Variants in FRK observed in about 807,000 individuals in gnomAD.
FRK encodes the protein fyn related Src family tyrosine kinase, also known as tyrosine-protein kinase FRK.
Under a neutral mutation model 56.4 loss-of-function variants are expected in FRK, and 51 were observed. The ratio of observed to expected loss-of-function variants is 0.90; its 90% CI spans 0.72 to 1.14. The LOEUF (loss-of-function observed/expected upper bound fraction) is 1.14, where lower values mean the gene tolerates loss of function less well. Among genes scored for constraint, FRK ranks in the 50% most tolerant of loss-of-function variants. The pLI, the probability that FRK is intolerant of heterozygous loss-of-function variation, is 0.00. For missense variants in FRK, 570 were observed against 601.4 expected, an observed-to-expected ratio of 0.95 and a Z score of 0.55; for synonymous variants, 245 against 217.9, an observed-to-expected ratio of 1.12 and a Z score of -1.10.
chr6:116,030,535 A>G (rs1776266774), intron 1 of FRK, among the ~76,000 whole-genome samples: 1 of 152,112 alleles, frequency 6.6e-6, no homozygotes, highest in Admixed American at 6.6e-5. Flanking sequence ...GCTGGTCACC[A>G]GAAAGAACAA....
In FRK at chr6:115,934,463, G is replaced by A. The variant is rs536484809; in HGVS notation, c.*7951C>T. ...TGCCAGATGAGGAGAAGAGAACGCG[G>A]AACCCCAGTTTTGCCATTGATAGCC... On this transcript the variant is annotated 3_prime_UTR_variant, in exon 8 of 8. Coordinates refer to ENST00000606080, the MANE Select transcript of FRK (RefSeq NM_002031.3). The A allele has an allele frequency of 6.6e-6, 1 of 152,284 alleles. No individual in the cohort carries two copies. Among genetic ancestry groups the A allele is most frequent in the East Asian group, 1.9e-4 (1 of 5,190 alleles). The allele number at this position is 152,284 out of a possible 1,614,324, so 9.4% of individuals were successfully genotyped here.
chr6:115,942,284 G>T lies in FRK; in HGVS notation c.*130C>A. On this transcript the variant is annotated 3_prime_UTR_variant, in exon 8 of 8. Transcript: ENST00000606080. ...CAAATAATCTTTTTCATAATACATGGCCAACTTTATCCTATCACTTGAATA... is the reference window on the plus strand; with the variant it reads ...CAAATAATCTTTTTCATAATACATGTCCAACTTTATCCTATCACTTGAATA... The T allele has an allele frequency of 1.3e-6, 1 of 743,134 alleles. No homozygotes were observed. The highest frequency in any genetic ancestry group is 2.2e-6 in the Non-Finnish European group (1 of 452,710). The allele number at this position is 743,134 out of a possible 1,614,324, so 46.0% of individuals were successfully genotyped here. A position where few individuals can be genotyped will look rare whatever the true frequency, so the allele number is the denominator to read the frequency against.
At chr6:116,003,146 G>A (rs1010464704) in intron 2 of FRK, among the ~76,000 whole-genome samples, 1 of 152,140 alleles carries the variant, frequency 6.6e-6, no homozygotes, top group African/African-American at 2.4e-5. Flanking sequence ...ATTTAAAGGG[G>A]ATGATAACAC....
rs1427481395 is a variant in FRK, at chr6:115,939,765, C to A, written c.*2649G>T. 6.6e-6 allele frequency: 1 copy of A among 152,194 alleles called. No individual in the cohort carries two copies. Among genetic ancestry groups the A allele is most frequent in the Non-Finnish European group, 1.5e-5 (1 of 68,052 alleles). 9.4% of individuals were successfully genotyped at this position (152,194 alleles called of 1,614,324 possible). On this transcript the variant is annotated 3_prime_UTR_variant, in exon 8 of 8. Coordinates refer to ENST00000606080, the MANE Select transcript of FRK (RefSeq NM_002031.3). ...GAGAATGAAATATCTAGGATTACAA[C>A]TTACAAGGGATGCAAAGGACCTCTT...
chr6:116,030,906 C>T (rs1335402696), intron 1 of FRK, among the ~76,000 whole-genome samples: 1 of 152,128 alleles, frequency 6.6e-6, no homozygotes, highest in East Asian at 1.9e-4. Flanking sequence ...GTAGAGGACA[C>T]TCCTGTGGGA....
the FRK span, among the ~76,000 whole-genome samples, chr6:116,087,970 C>T: frequency 5.9e-5 from 9 of 152,328 alleles, no homozygotes; most frequent in East Asian, 1.3e-3. Flanking sequence ...AGTACAAGCA[C>T]GGCCTGAAAG....
Position 116,015,876 on chromosome 6 carries a change from C to T in FRK, c.345-11878G>A, listed in dbSNP as rs142740748. Among the ~76,000 whole-genome samples the T allele has an allele frequency of 3.4e-3, 513 of 152,236 alleles. 2 individuals are homozygous for T. Among genetic ancestry groups the T allele is most frequent in the African/African-American group, 0.012 (486 of 41,542 alleles). ...CATCCAAGATGTGACCTGGCTGATTCTGAAAGCAGTCAGTCATATGCATTC... is the reference window on the plus strand; with the variant it reads ...CATCCAAGATGTGACCTGGCTGATTTTGAAAGCAGTCAGTCATATGCATTC... On this transcript the variant is annotated intron_variant, in intron 1 of 7. Transcript: ENST00000606080.
At chr6:116,094,021 G>C in the FRK span, among the ~76,000 whole-genome samples, 1 of 152,338 alleles carries the variant, frequency 6.6e-6, no homozygotes, top group East Asian at 1.9e-4. Flanking sequence ...CGCAGCCTTA[G>C]TCATGGCCCT....
chr6:116,080,912 A>G, the FRK span, among the ~76,000 whole-genome samples: 2 of 152,242 alleles, frequency 1.3e-5, no homozygotes, highest in African/African-American at 4.8e-5. Context: ...CATGCTGCTA[A>G]TAAAGACATA....
chr6:115,997,540 T>A lies in FRK; in HGVS notation c.466+6337A>T, dbSNP rs187902827. Among the ~76,000 whole-genome samples, 12 of 152,090 alleles carry A rather than the reference T, an allele frequency of 7.9e-5. No homozygotes were observed. The East Asian group carries it at 2.3e-3, about 30-fold the overall frequency. On this transcript the variant is annotated intron_variant, in intron 2 of 7. Transcript: ENST00000606080. ...TGGTTTCCTCCCATCTCTCCGTAAA[T>A]CATCTCCTCCTTAATACCTCATTTA...
At chr6:116,041,615 G>C (rs1466692489) in intron 1 of FRK, among the ~76,000 whole-genome samples, 1 of 152,120 alleles carries the variant, frequency 6.6e-6, no homozygotes, top group Non-Finnish European at 1.5e-5. Context: ...AGAAGAATGA[G>C]GCGTCGCCTC....
intron 1 of FRK, among the ~76,000 whole-genome samples, chr6:116,034,913 C>T (rs1050097478): frequency 1.3e-5 from 2 of 151,968 alleles, no homozygotes; most frequent in Admixed American, 6.6e-5. Context: ...TTCAAAATAA[C>T]ACCATAGTGG....
At chr6:116,026,624 T>G (rs555861183) in intron 1 of FRK, among the ~76,000 whole-genome samples, 8 of 149,782 alleles carry the variant, frequency 5.3e-5, no homozygotes, top group Non-Finnish European at 3.0e-5. Context: ...TAGGTTTTGT[T>G]TTTTTTTTAA....
intron 1 of FRK, among the ~76,000 whole-genome samples, chr6:116,036,983 T>C (rs1776509005): frequency 6.6e-6 from 1 of 152,156 alleles, no homozygotes; most frequent in Non-Finnish European, 1.5e-5. Flanking sequence ...ATTAACATAG[T>C]ATTTCTTTGA....
chr6:115,975,886 G>A (rs1020596616), intron 2 of FRK, among the ~76,000 whole-genome samples: 4 of 152,128 alleles, frequency 2.6e-5, no homozygotes, highest in Admixed American at 6.6e-5. Context: ...TTGTGGAGAC[G>A]TGGGTAAGTA....
chr6:115,984,686 C>G (rs1248274998), intron 2 of FRK, among the ~76,000 whole-genome samples: 2 of 149,306 alleles, frequency 1.3e-5, no homozygotes, highest in Non-Finnish European at 3.0e-5. Context: ...TCTTTTTTTC[C>G]TGAAATCTCA....
At chr6:116,058,859 C>G (rs1181508679) in intron 1 of FRK, among the ~76,000 whole-genome samples, 1 of 142,218 alleles carries the variant, frequency 7.0e-6, no homozygotes, top group Non-Finnish European at 1.5e-5. Context: ...TGCAGTGAGC[C>G]GAGATCGCGC....
rs34026302 is a variant in FRK, at chr6:115,953,180, A to ACTTTTTT, written c.958+3271_958+3272insAAAAAAG. ...AGAGTGGTACATCCATTTTAAGGCC[A>ACTTTTTT]TTTTTTTTTTTTTTTTTTTTTTTTT... On this transcript the variant is annotated intron_variant, in intron 5 of 7. Transcript: ENST00000606080. Among the ~76,000 whole-genome samples the ACTTTTTT allele has an allele frequency of 6.3e-4, 66 of 104,058 alleles. 17 individuals are homozygous for ACTTTTTT. The highest frequency in any genetic ancestry group is 6.9e-4 in the Non-Finnish European group (38 of 54,690). The allele number at this position is 104,058 out of a possible 152,430, so 68.3% of individuals were successfully genotyped here. A position where few individuals can be genotyped will look rare whatever the true frequency, so the allele number is the denominator to read the frequency against.
the FRK span, among the ~76,000 whole-genome samples, chr6:116,100,123 C>G: frequency 2.0e-5 from 3 of 152,130 alleles, no homozygotes; most frequent in African/African-American, 7.2e-5. Context: ...GTAGTATGCT[C>G]TATATATTTC....
Sources: allele counts gnomAD v4.1 joint callset (sites outside exome capture counted in the v4.1 genomes callset), GRCh38; gene constraint gnomAD v4.1.1; transcripts MANE v1.5; gene names NCBI Gene and HGNC (gene_info 2026-07-23, HGNC 2026-07-21).